The following ERBB4 variants were observed in gnomAD, a reference collection of about 807,000 sequenced individuals.
ERBB4 encodes erb-b2 receptor tyrosine kinase 4, also known as receptor tyrosine-protein kinase erbB-4.
ERBB4 carries 42 observed loss-of-function variants against 158.0 expected under a neutral mutation model. The observed-to-expected ratio is 0.27, with a 90% CI of 0.21 to 0.34. ERBB4 has a LOEUF of 0.34. Ranked by LOEUF, ERBB4 falls within the 10% of genes least tolerant of loss-of-function variation. ERBB4 has a pLI of 1.00. For synonymous variants in ERBB4, 583 were observed against 558.7 expected (o/e 1.04, Z -0.61); for missense variants, 1,333 against 1,624.1 (o/e 0.82, Z 3.08).
intron 20 of ERBB4, among the ~76,000 whole-genome samples, chr2:211,546,885 A>G (rs4622647): frequency 0.17 from 25,934 of 152,110 alleles, 2,495 homozygotes; most frequent in African/African-American, 0.25. Context: ...AGTCATTATT[A>G]CAAATACTGA....
chr2:211,674,745 C>T (rs191095584), intron 13 of ERBB4, among the ~76,000 whole-genome samples: 210 of 152,138 alleles, frequency 1.4e-3, no homozygotes, highest in Non-Finnish European at 2.3e-3. Flanking sequence ...TAATCAAAAG[C>T]ATTGTTTGCA....
chr2:211,821,560 A>G (rs1265364934), intron 3 of ERBB4, among the ~76,000 whole-genome samples: 1 of 151,888 alleles, frequency 6.6e-6, no homozygotes, highest in East Asian at 1.9e-4. Flanking sequence ...AAACAGACAA[A>G]ACAATCCTGA....
At chr2:212,245,475 T>C (rs2106028873) in intron 1 of ERBB4, among the ~76,000 whole-genome samples, 1 of 152,316 alleles carries the variant, frequency 6.6e-6, no homozygotes, top group African/African-American at 2.4e-5. Context: ...GTGGTTGTCA[T>C]ATATTATTAA....
Position 211,722,370 on chromosome 2 carries a change from G to A in ERBB4, c.883+23C>T, listed in dbSNP as rs369031121. The stretch of plus-strand genomic sequence containing the variant: ...TTCAAATAATGACCTAATTAATTTG[G>A]TTATTCTTATTCTGTTACTTACGTG... On this transcript the variant is annotated intron_variant, in intron 7 of 27. Transcript: ENST00000342788. The A allele has an allele frequency of 8.6e-5, 137 of 1,589,836 alleles. No individual in the cohort carries two copies. The African/African-American group carries it at 1.5e-3, about 18-fold the overall frequency.
intron 1 of ERBB4, among the ~76,000 whole-genome samples, chr2:212,465,503 C>A (rs1451800185): frequency 6.6e-6 from 1 of 152,142 alleles, no homozygotes; most frequent in Non-Finnish European, 1.5e-5. Context: ...AATATACACA[C>A]ACCTATTTTA....
At chr2:212,047,591 G>C (rs955305017) in intron 2 of ERBB4, among the ~76,000 whole-genome samples, 3 of 151,540 alleles carry the variant, frequency 2.0e-5, no homozygotes, top group Non-Finnish European at 4.4e-5. Context: ...TCCTGTCTTA[G>C]CTTCGCAAGT....
At chr2:211,711,319 T>G (rs963981512) in intron 9 of ERBB4, among the ~76,000 whole-genome samples, 3 of 152,272 alleles carry the variant, frequency 2.0e-5, no homozygotes, top group Non-Finnish European at 4.4e-5. Context: ...ATATGAGAGA[T>G]ATTCTTTATC....
chr2:211,875,508 C>G (rs1244403013), intron 3 of ERBB4, among the ~76,000 whole-genome samples: 1 of 152,136 alleles, frequency 6.6e-6, no homozygotes, highest in East Asian at 1.9e-4. Flanking sequence ...TAATTTCAGT[C>G]AATGACAGAC....
chr2:212,143,331 A>G (rs2080548572), intron 1 of ERBB4, among the ~76,000 whole-genome samples: 1 of 152,128 alleles, frequency 6.6e-6, no homozygotes, highest in Non-Finnish European at 1.5e-5. Flanking sequence ...TATAGCTATT[A>G]TTATGGTTAA....
chr2:212,302,467 A>G (rs570125572), intron 1 of ERBB4, among the ~76,000 whole-genome samples: 222 of 151,660 alleles, frequency 1.5e-3, no homozygotes, highest in Non-Finnish European at 2.0e-3. Context: ...ATTCTTCCAC[A>G]ACTGCATGTG....
At chr2:211,658,068 T>C (rs2105900807) in intron 15 of ERBB4, 1 of 1,057,458 alleles carries the variant, frequency 9.5e-7, no homozygotes, top group South Asian at 1.3e-5. Context: ...AAATAAATAT[T>C]GATTGTCTCG....
At chr2:211,465,320 A>T (rs2064652549) in intron 20 of ERBB4, among the ~76,000 whole-genome samples, 1 of 152,148 alleles carries the variant, frequency 6.6e-6, no homozygotes. Flanking sequence ...AGCACCTCCC[A>T]GCTGAGTCCA....
chr2:212,020,904 T>C (rs1575526928), intron 2 of ERBB4, among the ~76,000 whole-genome samples: 2 of 151,872 alleles, frequency 1.3e-5, no homozygotes, highest in East Asian at 3.8e-4. Context: ...ATAGTTCATA[T>C]TTTTTTTACT....
chr2:211,516,930 A>G (rs145166088), intron 20 of ERBB4, among the ~76,000 whole-genome samples: 21 of 152,260 alleles, frequency 1.4e-4, no homozygotes, highest in African/African-American at 5.1e-4. Context: ...TGCTCCATCA[A>G]TGTAGCCAAT....
intron 1 of ERBB4, among the ~76,000 whole-genome samples, chr2:212,342,235 G>C (rs115231815): frequency 0.01 from 1,530 of 152,214 alleles, 23 homozygotes; most frequent in African/African-American, 0.035. Flanking sequence ...GATATGATTT[G>C]GCTGTGTCCC....
chr2:212,525,208 A>G (rs1220872676), intron 1 of ERBB4, among the ~76,000 whole-genome samples: 1 of 152,086 alleles, frequency 6.6e-6, no homozygotes, highest in Non-Finnish European at 1.5e-5. Context: ...AAAAAAATAA[A>G]CAGTAAAGTT....
chr2:211,624,422 CA>C lies in ERBB4; in HGVS notation c.2080-379del, dbSNP rs528007457. On this transcript the variant is annotated intron_variant, in intron 17 of 27. Coordinates refer to ENST00000342788, the MANE Select transcript of ERBB4 (RefSeq NM_005235.3). The stretch of plus-strand genomic sequence containing the variant: ...TCAGAGGAGAGGGGAAAAAAACGCA[CA>C]ATGCCAAAACCCTAGGACAGGGCTG... Among the ~76,000 whole-genome samples the C allele has an allele frequency of 1.5e-3, 223 of 152,230 alleles. 1 individual carries two copies. Among genetic ancestry groups the C allele is most frequent in the Non-Finnish European group, 2.8e-3 (193 of 68,022 alleles).
At chr2:212,411,656 A>G (rs1440060379) in intron 1 of ERBB4, among the ~76,000 whole-genome samples, 1 of 151,962 alleles carries the variant, frequency 6.6e-6, no homozygotes, top group Non-Finnish European at 1.5e-5. Context: ...TCTCAGAACT[A>G]AACACTTGTT....
intron 3 of ERBB4, among the ~76,000 whole-genome samples, chr2:211,870,838 T>C (rs952706429): frequency 1.3e-5 from 2 of 152,172 alleles, no homozygotes; most frequent in African/African-American, 4.8e-5. Flanking sequence ...ATAAAGACTT[T>C]TGGGTTTTGA....
Sources: gnomAD v4.1 joint callset for allele counts (sites outside exome capture counted in the v4.1 genomes callset) on GRCh38, gnomAD v4.1.1 for gene constraint, MANE v1.5 for transcripts, NCBI Gene and HGNC (gene_info 2026-07-23, HGNC 2026-07-21) for gene names.